The following PCDHA5 variants were observed in gnomAD, a reference collection of about 807,000 sequenced individuals.
The protein encoded by PCDHA5 is protocadherin alpha 5, also known as protocadherin alpha-5.
Under a neutral mutation model 61.6 loss-of-function variants are expected in PCDHA5, and 43 were observed. The observed-to-expected ratio is 0.70, with a 90% confidence interval of 0.55 to 0.90. The LOEUF (loss-of-function observed/expected upper bound fraction) is 0.90, where lower values mean the gene tolerates loss of function less well. Ranked by LOEUF, PCDHA5 falls within the 40% of genes least tolerant of loss-of-function variation. The probability of loss-of-function intolerance (pLI) is 0.00; values close to 1 mark genes in which losing one functional copy is unlikely to be tolerated. For missense variants in PCDHA5, 1,298 were observed against 1,222.7 expected, an observed-to-expected ratio of 1.06 and a Z score of -0.92; for synonymous variants, 627 against 543.9, an observed-to-expected ratio of 1.15 and a Z score of -2.13.
intron 1 of PCDHA5, among the ~76,000 whole-genome samples, chr5:140,926,054 T>A (rs1018660828): frequency 6.6e-6 from 1 of 152,182 alleles, no homozygotes; most frequent in African/African-American, 2.4e-5. Flanking sequence ...CCCAACCTTC[T>A]TCCCCTCCTT....
At position 140,836,827 on chromosome 5, in the gene PCDHA5, G is replaced by A. The variant is rs1774764727; in HGVS notation, c.2352+12700G>A. Reference sequence around the variant, plus strand: ...ATTTTCTTTCATAATTTCTTTTTTAGTTGATAGCTTTATGTATAATTATTA... The same window carrying A: ...ATTTTCTTTCATAATTTCTTTTTTAATTGATAGCTTTATGTATAATTATTA... On this transcript the variant is annotated intron_variant, in intron 1 of 3. Transcript: ENST00000529859. The A allele has an allele frequency of 2.9e-5, 28 of 968,068 alleles. No homozygotes were observed. The South Asian group carries it at 4.7e-4, about 16-fold the overall frequency. 60.0% of individuals were successfully genotyped at this position (968,068 alleles called of 1,614,324 possible).
In PCDHA5 at chr5:140,822,660, T is replaced by A. The variant is rs2150118330; in HGVS notation, c.885T>A (p.Asn295Lys). Residue 295 changes from asparagine to lysine, a missense_variant, in exon 1 of 4, where the codon AAT becomes AAA. Coordinates refer to ENST00000529859, the MANE Select transcript of PCDHA5 (RefSeq NM_018908.3). The stretch of plus-strand genomic sequence containing the variant: ...ATGTAAAGTCCAAATTTATAATTAA[T>A]TCTAATACTGGTGAAATAAAAGTTA... ...LDDVKSKFII[N>K]SNTGEIKVNG... 5 of 1,609,192 alleles carry A rather than the reference T, an allele frequency of 3.1e-6. No homozygotes were observed. Among genetic ancestry groups the A allele is most frequent in the Non-Finnish European group, 3.4e-6 (4 of 1,176,346 alleles).
At chr5:140,826,670 A>C (rs1256098007) in intron 1 of PCDHA5, among the ~76,000 whole-genome samples, 1 of 152,172 alleles carries the variant, frequency 6.6e-6, no homozygotes, top group African/African-American at 2.4e-5. Context: ...TAAATTGTAG[A>C]CGTAATTAAA....
intron 1 of PCDHA5, among the ~76,000 whole-genome samples, chr5:140,939,276 C>T (rs146183157): frequency 6.6e-6 from 1 of 152,174 alleles, no homozygotes; most frequent in Non-Finnish European, 1.5e-5. Flanking sequence ...GAGAGCTGTG[C>T]CCTCGTGATC....
chr5:140,958,295 C>A (rs1405336220), intron 1 of PCDHA5, among the ~76,000 whole-genome samples: 1 of 151,884 alleles, frequency 6.6e-6, no homozygotes, highest in African/African-American at 2.4e-5. Context: ...TATTATTGAA[C>A]TTAATTAAAA....
At chr5:141,006,305 G>A (rs548520638) in intron 3 of PCDHA5, among the ~76,000 whole-genome samples, 25 of 151,934 alleles carry the variant, frequency 1.6e-4, no homozygotes, top group Admixed American at 5.2e-4. Context: ...TCCACTTCCC[G>A]GGTTCATGCC....
chr5:140,921,124 G>A (rs1017756296), intron 1 of PCDHA5, among the ~76,000 whole-genome samples: 1 of 146,978 alleles, frequency 6.8e-6, no homozygotes, highest in Non-Finnish European at 1.5e-5. Flanking sequence ...AGGACTACAG[G>A]TGCACACCAC....
At chr5:140,994,036 A>G (rs1176195849) in intron 3 of PCDHA5, among the ~76,000 whole-genome samples, 1 of 152,210 alleles carries the variant, frequency 6.6e-6, no homozygotes, top group African/African-American at 2.4e-5. Flanking sequence ...AATATTAAAT[A>G]TAACACAGTC....
chr5:140,823,760 C>A lies in PCDHA5; in HGVS notation c.1985C>A (p.Ala662Asp). Residue 662 changes from alanine (A) to aspartate (D), a missense_variant, in exon 1 of 4, where the codon GCC (alanine) becomes GAC (aspartate). Ala to Asp is a moderately radical substitution (Grantham distance 126). Coordinates refer to ENST00000529859, the MANE Select transcript of PCDHA5 (RefSeq NM_018908.3). Reference sequence around the variant, plus strand: ...GGAGAGCCCCCGCTGACAGCCACAGCCACAGTGCTGGTGTCGCTGGTGGAA... The same window carrying A: ...GGAGAGCCCCCGCTGACAGCCACAGACACAGTGCTGGTGTCGCTGGTGGAA... ...DHGEPPLTATATVLVSLVESG... is the reference protein window; with the variant it reads ...DHGEPPLTATDTVLVSLVESG... 2 of 1,613,900 alleles carry A rather than the reference C, an allele frequency of 1.2e-6. No homozygotes were observed. The highest frequency in any genetic ancestry group is 1.7e-6 in the Non-Finnish European group (2 of 1,179,936).
intron 1 of PCDHA5, among the ~76,000 whole-genome samples, chr5:140,900,088 G>C (rs545975836): frequency 6.6e-6 from 1 of 152,240 alleles, no homozygotes; most frequent in African/African-American, 2.4e-5. Context: ...GCAGTTACAA[G>C]CATGCGCCAC....
chr5:140,836,190 T>G, intron 1 of PCDHA5: 1 of 1,613,826 alleles, frequency 6.2e-7, no homozygotes, highest in East Asian at 2.2e-5. Flanking sequence ...TGACTCAGGC[T>G]ACAACGCGTG....
chr5:140,851,492 T>C, intron 1 of PCDHA5: 2 of 896,256 alleles, frequency 2.2e-6, no homozygotes, highest in Non-Finnish European at 2.7e-6. Context: ...ACAGCCTTCA[T>C]TTCAACTTAT....
At chr5:140,897,120 C>G (rs116233032) in intron 1 of PCDHA5, among the ~76,000 whole-genome samples, 4 of 152,134 alleles carry the variant, frequency 2.6e-5, no homozygotes, top group African/African-American at 9.7e-5. Context: ...TCTGTCCACA[C>G]CCCACTAAAC....
At chr5:140,966,831 G>A in intron 1 of PCDHA5, 1 of 1,563,110 alleles carries the variant, frequency 6.4e-7, no homozygotes, top group Non-Finnish European at 8.6e-7. Flanking sequence ...CCCATGCCCT[G>A]GCTGCTGCTA....
In PCDHA5 at chr5:140,982,507, G is replaced by A. The variant is rs555523473; in HGVS notation, c.2444G>A (p.Arg815Gln). 21 of 1,614,138 alleles carry A rather than the reference G, an allele frequency of 1.3e-5. No individual in the cohort carries two copies. The highest frequency in any genetic ancestry group is 4.0e-5 in the African/African-American group (3 of 75,040). ...CACCTAGAGGAGGCTGGCATTCTAC[G>A]GGCTGGTCCAGGAGGGCCTGATCAG... is the stretch of plus-strand genomic sequence containing the variant. ...SVHLEEAGILRAGPGGPDQQW... is the reference protein window; with the variant it reads ...SVHLEEAGILQAGPGGPDQQW... The change falls in exon 3 of 4, where the codon CGG (arginine) becomes CAG (glutamine). Residue 815 changes from arginine (R) to glutamine (Q), a missense_variant. Arg to Gln is a conservative substitution (Grantham distance 43). Coordinates refer to ENST00000529859, the MANE Select transcript of PCDHA5 (RefSeq NM_018908.3).
chr5:140,844,012 A>G (rs2150368214), intron 1 of PCDHA5, among the ~76,000 whole-genome samples: 3 of 149,698 alleles, frequency 2.0e-5, no homozygotes, highest in African/African-American at 7.3e-5. Flanking sequence ...TACTCTAAGG[A>G]CGTTCAGGGC....
At chr5:140,968,288 C>A in intron 1 of PCDHA5, 1 of 1,613,976 alleles carries the variant, frequency 6.2e-7, no homozygotes, top group Non-Finnish European at 8.5e-7. Context: ...GACCTACTCC[C>A]TTCTGGAGAG....
Position 140,823,073 on chromosome 5 carries a change from C to T in PCDHA5, c.1298C>T (p.Ser433Leu). 6.2e-7 allele frequency: 1 copy of T among 1,614,010 alleles called. No homozygotes were observed. Among genetic ancestry groups the T allele is most frequent in the African/African-American group, 1.3e-5 (1 of 75,068 alleles). ...VVTARDGGSP[S>L]LWATASVSVE... Reference sequence around the variant, plus strand: ...ACCGCGCGGGACGGGGGCTCGCCTTCGCTGTGGGCCACCGCCAGCGTGTCT... The same window carrying T: ...ACCGCGCGGGACGGGGGCTCGCCTTTGCTGTGGGCCACCGCCAGCGTGTCT... Residue 433 changes from serine to leucine, a missense_variant, in exon 1 of 4, where the codon TCG becomes TTG. Physicochemically the swap from Ser to Leu is moderately radical, Grantham distance 145. Transcript: ENST00000529859.
At chr5:140,966,679 G>A (rs1554228549) in intron 1 of PCDHA5, 1 of 1,317,562 alleles carries the variant, frequency 7.6e-7, no homozygotes, top group Non-Finnish European at 9.8e-7. Flanking sequence ...AGGGTGGCAC[G>A]AGCGGAGGCG....
Sources: allele counts gnomAD v4.1 joint callset (sites outside exome capture counted in the v4.1 genomes callset), GRCh38; gene constraint gnomAD v4.1.1; transcripts MANE v1.5; gene names NCBI Gene and HGNC (gene_info 2026-07-23, HGNC 2026-07-21).